ARSB: variants seen among roughly 807,000 people sequenced by gnomAD.
ARSB encodes the protein N-acetylgalactosamine-4-sulfatase.
In ARSB, 41 loss-of-function variants were observed where a neutral mutation model predicts 50.9. That is an observed-to-expected ratio of 0.81 (90% CI 0.63 to 1.04). The LOEUF (loss-of-function observed/expected upper bound fraction) is 1.04, where lower values mean the gene tolerates loss of function less well. Among genes scored for constraint, ARSB ranks in the 50% least tolerant of loss-of-function variants. ARSB has a pLI of 0.00. For missense variants in ARSB, 672 were observed against 693.3 expected, an observed-to-expected ratio of 0.97 and a Z score of 0.35; for synonymous variants, 269 against 284.8, an observed-to-expected ratio of 0.94 and a Z score of 0.56.
chr5:78,792,770 G>A (rs1345735969), intron 6 of ARSB, among the ~76,000 whole-genome samples: 1 of 152,108 alleles, frequency 6.6e-6, no homozygotes. Context: ...CTGACCAACT[G>A]AAAGAAATCA....
chr5:78,862,300 T>A, intron 5 of ARSB, among the ~76,000 whole-genome samples: 1 of 152,150 alleles, frequency 6.6e-6, no homozygotes, highest in East Asian at 1.9e-4. Context: ...AAAGCCCGCG[T>A]TGCCAAGACA....
rs1345507147 is a variant in ARSB, at chr5:78,777,363, A to G, written c.*3034T>C. ...ACTTTAAAACATACAATTCAGTGGC[A>G]GTAATTGCATTTATGATGTTGTATA... On this transcript the variant is annotated 3_prime_UTR_variant, in exon 8 of 8. Transcript: ENST00000264914. The G allele has an allele frequency of 6.6e-6, 1 of 152,638 alleles. No individual in the cohort carries two copies. Among genetic ancestry groups the G allele is most frequent in the Non-Finnish European group, 1.5e-5 (1 of 68,038 alleles). The allele number at this position is 152,638 out of a possible 1,614,324, so 9.5% of individuals were successfully genotyped here. A position where few individuals can be genotyped will look rare whatever the true frequency, so the allele number is the denominator to read the frequency against.
At chr5:78,781,407 A>T (rs1162522975) in intron 7 of ARSB, among the ~76,000 whole-genome samples, 1 of 139,088 alleles carries the variant, frequency 7.2e-6, no homozygotes, top group Non-Finnish European at 1.5e-5. Flanking sequence ...AGCCCCAGAG[A>T]TATGTTTTGC....
intron 4 of ARSB, among the ~76,000 whole-genome samples, chr5:78,927,321 C>G (rs1367582029): frequency 6.6e-6 from 1 of 152,132 alleles, no homozygotes; most frequent in Admixed American, 6.6e-5. Flanking sequence ...CAGCACATCT[C>G]AATTCAACTT....
chr5:78,843,573 T>C (rs1474185983), intron 5 of ARSB, among the ~76,000 whole-genome samples: 1 of 152,194 alleles, frequency 6.6e-6, no homozygotes, highest in African/African-American at 2.4e-5. Context: ...TTTAAAACCA[T>C]ACAATCACCC....
intron 4 of ARSB, among the ~76,000 whole-genome samples, chr5:78,942,183 A>C (rs1227106369): frequency 6.6e-6 from 1 of 151,684 alleles, no homozygotes. Context: ...TTTCTTCTTT[A>C]TTAGTCTTGC....
intron 6 of ARSB, among the ~76,000 whole-genome samples, chr5:78,807,866 G>A (rs563785960): frequency 6.6e-6 from 1 of 152,038 alleles, no homozygotes; most frequent in African/African-American, 2.4e-5. Context: ...GGCCGAGGCG[G>A]GCGGATCACG....
chr5:78,827,819 C>T (rs573589119), intron 6 of ARSB, among the ~76,000 whole-genome samples: 10 of 151,372 alleles, frequency 6.6e-5, no homozygotes, highest in East Asian at 3.9e-4. Context: ...ACAGTCCTAA[C>T]GGCAAAACAA....
intron 4 of ARSB, among the ~76,000 whole-genome samples, chr5:78,901,694 T>C (rs903053380): frequency 6.6e-6 from 1 of 151,972 alleles, no homozygotes; most frequent in African/African-American, 2.4e-5. Flanking sequence ...ATAACCAAAT[T>C]AAAATATTGA....
chr5:78,958,787 A>G (rs1035639422), intron 3 of ARSB, among the ~76,000 whole-genome samples: 2 of 152,186 alleles, frequency 1.3e-5, no homozygotes, highest in South Asian at 4.1e-4. Flanking sequence ...TCTTTGTTAT[A>G]GATTAACCAC....
intron 1 of ARSB, among the ~76,000 whole-genome samples, chr5:78,980,568 G>A: frequency 6.6e-6 from 1 of 152,164 alleles, no homozygotes; most frequent in Admixed American, 6.6e-5. Flanking sequence ...TGGAATGATT[G>A]CAAATGTTAA....
intron 4 of ARSB, among the ~76,000 whole-genome samples, chr5:78,944,717 C>T (rs967119008): frequency 2.0e-5 from 3 of 152,278 alleles, no homozygotes; most frequent in East Asian, 1.9e-4. Context: ...TTAGGCTACT[C>T]GGGGGTCAGG....
In ARSB at chr5:78,964,575, G is replaced by C. The variant is rs377234838; in HGVS notation, c.531C>G (p.Ser177=). Reference sequence around the variant, plus strand: ...CGTCAATTAATGTACAGCGTTCATGGGAATAATAATCTTCACTACCCAGGA... The same window carrying C: ...CGTCAATTAATGTACAGCGTTCATGCGAATAATAATCTTCACTACCCAGGA... The part of the protein sequence containing the change: ...GYLLGSEDYY[S]HERCTLIDAL... Residue 177 remains serine, a synonymous_variant, in exon 3 of 8, where the codon TCC becomes TCG. Transcript: ENST00000264914. The C allele has an allele frequency of 1.9e-6, 3 of 1,613,788 alleles. No homozygotes were observed. Among genetic ancestry groups the C allele is most frequent in the Non-Finnish European group, 1.7e-6 (2 of 1,179,914 alleles).
intron 6 of ARSB, chr5:78,816,011 G>C (rs920104881): frequency 6.2e-7 from 1 of 1,610,064 alleles, no homozygotes; most frequent in Admixed American, 1.7e-5. Context: ...GCCTTGAGGG[G>C]CCCTTTCAGA....
chr5:78,972,516 T>TACACACACACACACACACACACAC lies in ARSB; in HGVS notation c.313-3348_313-3325dup, dbSNP rs59035274. 2.2e-3 allele frequency among the ~76,000 whole-genome samples: 315 copies of TACACACACACACACACACACACAC among 145,664 alleles called. 5 individuals carry two copies. Among genetic ancestry groups the TACACACACACACACACACACACAC allele is most frequent in the African/African-American group, 7.8e-3 (298 of 38,196 alleles). ...CTCTTAGCACATTTGCACGCATACGTACACACACACACACACACACACACA... is the reference window on the plus strand; with the variant it reads ...CTCTTAGCACATTTGCACGCATACGTACACACACACACACACACACACACACACACACACACACACACACACACA... On this transcript the variant is annotated intron_variant, in intron 1 of 7. Coordinates refer to ENST00000264914, the MANE Select transcript of ARSB (RefSeq NM_000046.5).
chr5:78,943,078 T>C (rs1221271114), intron 4 of ARSB, among the ~76,000 whole-genome samples: 4 of 152,212 alleles, frequency 2.6e-5, no homozygotes, highest in Non-Finnish European at 4.4e-5. Context: ...TTAAAGTCTG[T>C]TTTATCAGAG....
intron 5 of ARSB, among the ~76,000 whole-genome samples, chr5:78,842,330 T>C (rs961845267): frequency 6.6e-6 from 1 of 152,130 alleles, no homozygotes; most frequent in Non-Finnish European, 1.5e-5. Context: ...TAATTTTGCC[T>C]AGGAGATATT....
chr5:78,822,222 T>C (rs907861532), intron 6 of ARSB, among the ~76,000 whole-genome samples: 1 of 152,328 alleles, frequency 6.6e-6, no homozygotes, highest in South Asian at 2.1e-4. Context: ...TATGTTAAAA[T>C]AATAAAGTTT....
chr5:78,969,288 G>A (rs1055107777), intron 1 of ARSB, 96 bp from the exon 2 acceptor site: 8 of 1,311,774 alleles, frequency 6.1e-6, no homozygotes, highest in Middle Eastern at 2.5e-4. Context: ...CATATCTGTT[G>A]ACTTGGATGT....
Sources: allele counts gnomAD v4.1 joint callset (sites outside exome capture counted in the v4.1 genomes callset), GRCh38; gene constraint gnomAD v4.1.1; transcripts MANE v1.5; gene names NCBI Gene and HGNC (gene_info 2026-07-23, HGNC 2026-07-21).